MB21D2: variants seen among roughly 807,000 people sequenced by gnomAD.
MB21D2 encodes the protein Mab-21 domain containing 2, also known as nucleotidyltransferase MB21D2.
Under a neutral mutation model 33.3 loss-of-function variants are expected in MB21D2, and 9 were observed. The ratio of observed to expected loss-of-function variants is 0.27; its 90% CI spans 0.16 to 0.47. The LOEUF (loss-of-function observed/expected upper bound fraction) is 0.47. Ranked by LOEUF, MB21D2 falls within the 20% of genes least tolerant of loss-of-function variation. MB21D2 has a pLI of 0.99. For synonymous variants in MB21D2, 241 were observed against 236.3 expected (o/e 1.02, Z -0.18); for missense variants, 540 against 624.6 (o/e 0.86, Z 1.44).
At chr3:192,814,671 G>T (rs1050423411) in intron 1 of MB21D2, among the ~76,000 whole-genome samples, 1 of 151,826 alleles carries the variant, frequency 6.6e-6, no homozygotes, top group Non-Finnish European at 1.5e-5. Context: ...GACCATCCTG[G>T]CTAACACGGT....
chr3:192,911,775 T>C (rs1348858304), intron 1 of MB21D2, among the ~76,000 whole-genome samples: 1 of 152,074 alleles, frequency 6.6e-6, no homozygotes, highest in Non-Finnish European at 1.5e-5. Context: ...GGAGGGGGAA[T>C]TGAAACCAAT....
chr3:192,884,941 C>A (rs1713699811), intron 1 of MB21D2, among the ~76,000 whole-genome samples: 1 of 152,044 alleles, frequency 6.6e-6, no homozygotes, highest in African/African-American at 2.4e-5. Context: ...TAGTGTCATG[C>A]AAGAGCCAGG....
intron 1 of MB21D2, among the ~76,000 whole-genome samples, chr3:192,906,676 A>G (rs1486430665): frequency 6.6e-6 from 1 of 152,212 alleles, no homozygotes; most frequent in Non-Finnish European, 1.5e-5. Flanking sequence ...TTTAGAGCAC[A>G]CACCCCTGTT....
intron 1 of MB21D2, among the ~76,000 whole-genome samples, chr3:192,801,755 C>T (rs893303151): frequency 3.3e-5 from 5 of 152,182 alleles, no homozygotes; most frequent in Non-Finnish European, 5.9e-5. Context: ...TTATAAGCTA[C>T]TCAGTTTAGG....
intron 1 of MB21D2, among the ~76,000 whole-genome samples, chr3:192,819,412 C>T (rs1025367572): frequency 6.6e-6 from 1 of 152,076 alleles, no homozygotes; most frequent in African/African-American, 2.4e-5. Flanking sequence ...CCGGAGAAGC[C>T]CTGTAATTAG....
chr3:192,911,008 G>T (rs1414237245), intron 1 of MB21D2, among the ~76,000 whole-genome samples: 2 of 152,194 alleles, frequency 1.3e-5, no homozygotes, highest in Non-Finnish European at 1.5e-5. Context: ...TATATATTTA[G>T]AAACTGAGGC....
chr3:192,909,958 AAAAAAG>A (rs1465888877), intron 1 of MB21D2, among the ~76,000 whole-genome samples: 5 of 146,788 alleles, frequency 3.4e-5, no homozygotes, highest in Non-Finnish European at 7.5e-5. Flanking sequence ...AAAAAAAAAA[AAAAAAG>A]AAAGAGAGAG....
intron 1 of MB21D2, among the ~76,000 whole-genome samples, chr3:192,804,364 A>AT (rs1471550399): frequency 6.6e-6 from 1 of 152,154 alleles, no homozygotes; most frequent in African/African-American, 2.4e-5. Flanking sequence ...AAACTCAGAG[A>AT]GTTCAAGAAA....
chr3:192,886,894 A>T (rs986829605), intron 1 of MB21D2, among the ~76,000 whole-genome samples: 1 of 152,014 alleles, frequency 6.6e-6, no homozygotes, highest in African/African-American at 2.4e-5. Flanking sequence ...CCATAAGTCC[A>T]TGTTCTTCTA....
chr3:192,798,960 C>T lies in MB21D2; in HGVS notation c.902G>A (p.Cys301Tyr). 1.2e-6 allele frequency: 2 copies of T among 1,614,006 alleles called. No homozygotes were observed. The highest frequency in any genetic ancestry group is 1.7e-6 in the Non-Finnish European group (2 of 1,179,964). ...GGCCTGCATGAGGCTGCTGGAGATG[C>T]ACTTCTTCAACTGCACCTCGCTCCT... ...FARSEVQLKK[C>Y]ISSSLMQAYQ... Residue 301 changes from cysteine (C) to tyrosine (Y), a missense_variant, in exon 2 of 2, where the codon TGC becomes TAC. Transcript: ENST00000392452. The surrounding 1 kb of genome is among the most constrained non-coding windows in gnomAD (Gnocchi z 4.8).
intron 1 of MB21D2, among the ~76,000 whole-genome samples, chr3:192,869,675 T>A (rs1390591003): frequency 1.3e-5 from 2 of 152,140 alleles, no homozygotes; most frequent in Non-Finnish European, 2.9e-5. Context: ...CTCCTCCCCA[T>A]AAAAAGCCAC....
intron 1 of MB21D2, among the ~76,000 whole-genome samples, chr3:192,893,619 A>G (rs1438960545): frequency 6.6e-6 from 1 of 152,208 alleles, no homozygotes; most frequent in Non-Finnish European, 1.5e-5. Flanking sequence ...CTCAGCACTT[A>G]GCACTTAGCC....
At chr3:192,830,391 C>G (rs991442720) in intron 1 of MB21D2, among the ~76,000 whole-genome samples, 24 of 152,120 alleles carry the variant, frequency 1.6e-4, no homozygotes, top group African/African-American at 5.8e-4. Context: ...CACCCCCACC[C>G]CCTGCAAGCT....
intron 1 of MB21D2, among the ~76,000 whole-genome samples, chr3:192,823,145 T>G (rs1018281409): frequency 4.6e-5 from 7 of 152,198 alleles, no homozygotes; most frequent in African/African-American, 1.7e-4. Context: ...ACACCAAAGA[T>G]CCTATGTTCT....
intron 1 of MB21D2, among the ~76,000 whole-genome samples, chr3:192,845,811 G>A (rs1712669639): frequency 6.6e-6 from 1 of 152,198 alleles, no homozygotes; most frequent in African/African-American, 2.4e-5. Flanking sequence ...AGGCGCGGTG[G>A]CTCATGCCTA....
chr3:192,883,828 T>C (rs1713662635), intron 1 of MB21D2, among the ~76,000 whole-genome samples: 1 of 152,120 alleles, frequency 6.6e-6, no homozygotes, highest in Non-Finnish European at 1.5e-5. Flanking sequence ...TCATTCTGGC[T>C]TCCTTGATTC....
intron 1 of MB21D2, among the ~76,000 whole-genome samples, chr3:192,882,968 G>C (rs1029264759): frequency 6.6e-6 from 1 of 151,602 alleles, no homozygotes; most frequent in African/African-American, 2.4e-5. Flanking sequence ...CCTGACCTCA[G>C]GTAATCCACC....
At chr3:192,829,401 G>A (rs774194628) in intron 1 of MB21D2, among the ~76,000 whole-genome samples, 9 of 152,138 alleles carry the variant, frequency 5.9e-5, no homozygotes, top group Non-Finnish European at 1.2e-4. Flanking sequence ...TGCGATCGCC[G>A]TTCCATTTTT....
In MB21D2 at chr3:192,917,634, C is replaced by T. The variant is rs761054079; in HGVS notation, c.207G>A (p.Met69Ile). ...IHTAKDFIFS[M>I]LGMVQKLDQK... is the part of the protein sequence containing the mutation. ...CTCCCCCTTTTTCCTCCTTACCCAGCATGGAAAAGATGAAATCCTTGGCTG... is the reference window on the plus strand; with the variant it reads ...CTCCCCCTTTTTCCTCCTTACCCAGTATGGAAAAGATGAAATCCTTGGCTG... Residue 69 changes from methionine (M) to isoleucine (I), a missense_variant, in exon 1 of 2, where the codon ATG becomes ATA. Physicochemically the swap from Met to Ile is conservative, Grantham distance 10. Transcript: ENST00000392452. The T allele has an allele frequency of 2.9e-5, 47 of 1,613,978 alleles. No homozygotes were observed. The East Asian group carries it at 9.4e-4, about 32-fold the overall frequency.
Sources: gnomAD v4.1 joint callset for allele counts (sites outside exome capture counted in the v4.1 genomes callset) on GRCh38, gnomAD v4.1.1 for gene constraint, Gnocchi (gnomAD v3.1) non-coding constraint, MANE v1.5 for transcripts, NCBI Gene and HGNC (gene_info 2026-07-23, HGNC 2026-07-21) for gene names.